The following GDAP1 variants were observed in gnomAD, a reference collection of about 807,000 sequenced individuals.
GDAP1 encodes the protein ganglioside induced differentiation associated protein 1.
Under a neutral mutation model 40.1 loss-of-function variants are expected in GDAP1, and 34 were observed. The observed-to-expected ratio is 0.85, with a 90% CI of 0.64 to 1.13. GDAP1 has a LOEUF of 1.13. Among genes scored for constraint, GDAP1 ranks in the 50% most tolerant of loss-of-function variants. The pLI is 0.00. For synonymous variants in GDAP1, 170 were observed against 157.4 expected, an observed-to-expected ratio of 1.08 and a Z score of -0.60; for missense variants, 374 against 433.7, an observed-to-expected ratio of 0.86 and a Z score of 1.22.
chr8:74,350,724 G>A, intron 1 of GDAP1, 146 bp downstream of exon 1: 1 of 710,852 alleles, frequency 1.4e-6, no homozygotes, highest in Non-Finnish European at 2.6e-6. Flanking sequence ...CTCCAGGCGG[G>A]GACGCGCCCG....
chr8:74,475,074 T>C (rs930267114), intron 2 of GDAP1, among the ~76,000 whole-genome samples: 1 of 152,188 alleles, frequency 6.6e-6, no homozygotes, highest in Non-Finnish European at 1.5e-5. Flanking sequence ...ATAGAGGTGT[T>C]CATAATATTC....
At chr8:74,371,879 T>G (rs1412009785) in intron 2 of GDAP1, among the ~76,000 whole-genome samples, 1 of 151,990 alleles carries the variant, frequency 6.6e-6, no homozygotes, top group Non-Finnish European at 1.5e-5. Flanking sequence ...ACCCATTAAC[T>G]CGTCATTTAC....
chr8:74,362,945 C>T lies in GDAP1; in HGVS notation c.586C>T (p.Leu196=), dbSNP rs1057524488. 1.4e-6 allele frequency: 2 copies of T among 1,456,054 alleles called. No homozygotes were observed. The highest frequency in any genetic ancestry group is 3.3e-5 in the Admixed American group (2 of 59,790). The allele number at this position is 1,456,054 out of a possible 1,614,324, so 90.2% of individuals were successfully genotyped here. ...IAKQKRLKSK[L]LDHDNVKYLK... ...TTTTTTGGTGGTTAATTAGTCAAAG[C>T]TGCTTGATCATGACAATGTCAAGTA... is the stretch of plus-strand genomic sequence containing the variant. Residue 196 remains leucine (L), a synonymous_variant, in exon 5 of 6, where the codon CTG becomes TTG. Coordinates refer to ENST00000220822, the MANE Select transcript of GDAP1 (RefSeq NM_018972.4).
intron 2 of GDAP1, 138 bp downstream of exon 2, chr8:74,351,604 C>T (rs535092299): frequency 4.9e-5 from 38 of 773,744 alleles, no homozygotes; most frequent in Non-Finnish European, 8.6e-5. Flanking sequence ...TTTTCCATTT[C>T]CATAAGCACA....
chr8:74,350,885 C>T (rs1382759595), intron 1 of GDAP1, among the ~76,000 whole-genome samples: 1 of 152,146 alleles, frequency 6.6e-6, no homozygotes, highest in East Asian at 1.9e-4. Context: ...GAGGGAGGTG[C>T]CTTTGTGGAC....
In GDAP1 at chr8:74,475,781, T is replaced by C. The variant is rs536727807; in HGVS notation, c.166-12897T>C. Among the ~76,000 whole-genome samples, 105 of 152,330 alleles carry C rather than the reference T, an allele frequency of 6.9e-4. 1 individual carries two copies. The highest frequency in any genetic ancestry group is 1.4e-3 in the Admixed American group (21 of 15,294). ...TGTTGTTTTTGGGTGAAGAGTTCTGTAGATGTCTATTAGATCCATTTGGTC... is the reference window on the plus strand; with the variant it reads ...TGTTGTTTTTGGGTGAAGAGTTCTGCAGATGTCTATTAGATCCATTTGGTC... On this transcript the variant is annotated intron_variant, in intron 2 of 2. Coordinates refer to the GDAP1 transcript ENST00000523640.
chr8:74,445,671 A>G (rs1221066794), intron 2 of GDAP1, among the ~76,000 whole-genome samples: 1 of 152,232 alleles, frequency 6.6e-6, no homozygotes, highest in Non-Finnish European at 1.5e-5. Context: ...AAAAAAGACT[A>G]GAAAAACTTT....
intron 2 of GDAP1, among the ~76,000 whole-genome samples, chr8:74,473,802 T>A (rs1806591613): frequency 1.4e-5 from 2 of 143,912 alleles, no homozygotes; most frequent in Admixed American, 1.4e-4. Flanking sequence ...TTTTTGGTTC[T>A]CTATGAATTT....
intron 2 of GDAP1, among the ~76,000 whole-genome samples, chr8:74,406,358 A>T (rs967153974): frequency 6.7e-6 from 1 of 150,342 alleles, no homozygotes; most frequent in African/African-American, 2.5e-5. Context: ...TGACTCAGCA[A>T]CACTGTTTGT....
chr8:74,413,927 T>C (rs1487398292), intron 2 of GDAP1, among the ~76,000 whole-genome samples: 1 of 149,898 alleles, frequency 6.7e-6, no homozygotes, highest in East Asian at 1.9e-4. Context: ...TCAAGTTGTT[T>C]ATGAATTCCT....
At chr8:74,458,730 A>G (rs1806365709) in intron 2 of GDAP1, among the ~76,000 whole-genome samples, 1 of 152,170 alleles carries the variant, frequency 6.6e-6, no homozygotes, top group African/African-American at 2.4e-5. Context: ...GGACCCTGTG[A>G]ATTTAACCTT....
chr8:74,473,872 A>T (rs1269149739), intron 2 of GDAP1, among the ~76,000 whole-genome samples: 1 of 152,176 alleles, frequency 6.6e-6, no homozygotes, highest in Non-Finnish European at 1.5e-5. Flanking sequence ...TAGGAATAGC[A>T]TTGAATATGT....
chr8:74,469,976 AAAAAAT>A (rs1047062718), intron 2 of GDAP1, among the ~76,000 whole-genome samples: 3 of 152,202 alleles, frequency 2.0e-5, no homozygotes, highest in Admixed American at 6.5e-5. Context: ...CTCCATCTCA[AAAAAAT>A]AAAAATAAAA....
intron 2 of GDAP1, among the ~76,000 whole-genome samples, chr8:74,405,190 A>C (rs1437893061): frequency 6.7e-6 from 1 of 149,618 alleles, no homozygotes; most frequent in African/African-American, 2.6e-5. Context: ...TGCAGGGAGA[A>C]CTCCCATTTA....
At chr8:74,443,927 C>T (rs1806194342) in intron 2 of GDAP1, among the ~76,000 whole-genome samples, 1 of 152,072 alleles carries the variant, frequency 6.6e-6, no homozygotes, top group African/African-American at 2.4e-5. Context: ...CTTGCATTCA[C>T]ACTTGTTTCC....
intron 2 of GDAP1, among the ~76,000 whole-genome samples, chr8:74,422,272 C>CTT: frequency 3.1e-5 from 4 of 128,520 alleles, no homozygotes; most frequent in South Asian, 2.6e-4. Flanking sequence ...TTTTTCTTTT[C>CTT]TTTTCTTTTT....
intron 2 of GDAP1, among the ~76,000 whole-genome samples, chr8:74,475,885 G>C (rs1179481438): frequency 6.6e-6 from 1 of 152,206 alleles, no homozygotes; most frequent in Admixed American, 6.5e-5. Context: ...ATGGGGTGTT[G>C]AATTCTCTCA....
intron 2 of GDAP1, among the ~76,000 whole-genome samples, chr8:74,475,748 G>A (rs1806621139): frequency 6.6e-6 from 1 of 152,148 alleles, no homozygotes; most frequent in Non-Finnish European, 1.5e-5. Flanking sequence ...TGAGAAGAAT[G>A]TATATTCTGT....
chr8:74,397,481 T>C (rs1330123768), intron 2 of GDAP1, among the ~76,000 whole-genome samples: 1 of 152,234 alleles, frequency 6.6e-6, no homozygotes, highest in East Asian at 1.9e-4. Flanking sequence ...AGGGTTTTTA[T>C]GGTTTTAGGT....
Sources: gnomAD v4.1 joint callset for allele counts (sites outside exome capture counted in the v4.1 genomes callset) on GRCh38, gnomAD v4.1.1 for gene constraint, MANE v1.5 for transcripts, NCBI Gene and HGNC (gene_info 2026-07-23, HGNC 2026-07-21) for gene names.